The following ASTN2 variants were observed in gnomAD, a reference collection of about 807,000 sequenced individuals.
ASTN2 encodes the protein astrotactin-2.
Under a neutral mutation model 139.8 loss-of-function variants are expected in ASTN2, and 54 were observed. That is an observed-to-expected ratio of 0.39 (90% CI 0.31 to 0.48). ASTN2 has a LOEUF of 0.48. ASTN2 is among the 20% of genes least tolerant of loss of function. The pLI is 0.95. For missense variants in ASTN2, 1,565 were observed against 1,725.1 expected, an observed-to-expected ratio of 0.91 and a Z score of 1.64; for synonymous variants, 756 against 719.5, an observed-to-expected ratio of 1.05 and a Z score of -0.81.
intron 2 of ASTN2, among the ~76,000 whole-genome samples, chr9:117,262,458 T>C (rs1833848268): frequency 6.6e-6 from 1 of 152,026 alleles, no homozygotes; most frequent in Admixed American, 6.6e-5. Flanking sequence ...TCATTTTTAA[T>C]AAAGACCTAG....
intron 12 of ASTN2, among the ~76,000 whole-genome samples, chr9:116,815,797 T>C (rs1831301731): frequency 4.6e-4 from 2 of 4,338 alleles, no homozygotes; most frequent in Non-Finnish European, 4.0e-4. Flanking sequence ...AGAGCGAGAC[T>C]CCGTCTCAAA....
intron 19 of ASTN2, among the ~76,000 whole-genome samples, chr9:116,602,963 G>A (rs1460699964): frequency 6.6e-6 from 1 of 152,150 alleles, no homozygotes; most frequent in Non-Finnish European, 1.5e-5. Flanking sequence ...AAGTTGACAG[G>A]AGAAACCTAG....
intron 19 of ASTN2, among the ~76,000 whole-genome samples, chr9:116,588,055 A>G (rs1368670776): frequency 6.6e-6 from 1 of 152,154 alleles, no homozygotes; most frequent in Non-Finnish European, 1.5e-5. Context: ...TCCTAGGTCT[A>G]CAGTGTTACT....
At chr9:117,226,776 G>A (rs1442579783) in intron 2 of ASTN2, among the ~76,000 whole-genome samples, 2 of 152,184 alleles carry the variant, frequency 1.3e-5, no homozygotes, top group Non-Finnish European at 2.9e-5. Flanking sequence ...TCTGCTGCAT[G>A]CTGCTACAAT....
At chr9:117,304,903 A>G (rs932950905) in intron 1 of ASTN2, among the ~76,000 whole-genome samples, 4 of 151,954 alleles carry the variant, frequency 2.6e-5, no homozygotes, top group African/African-American at 9.7e-5. Flanking sequence ...GGAACTAACG[A>G]CCCTCTTGAT....
intron 19 of ASTN2, among the ~76,000 whole-genome samples, chr9:116,555,161 A>G (rs1016063421): frequency 2.0e-5 from 3 of 152,180 alleles, no homozygotes; most frequent in African/African-American, 7.2e-5. Flanking sequence ...GTCTATAGAG[A>G]CTGAAAAGGC....
At chr9:116,634,649 A>G (rs1856985709) in intron 17 of ASTN2, among the ~76,000 whole-genome samples, 3 of 151,816 alleles carry the variant, frequency 2.0e-5, no homozygotes, top group African/African-American at 4.8e-5. Context: ...GCTGTTAGAC[A>G]TGCTTATTTA....
At chr9:117,195,439 A>G (rs540714967) in intron 3 of ASTN2, among the ~76,000 whole-genome samples, 4 of 152,304 alleles carry the variant, frequency 2.6e-5, no homozygotes, top group South Asian at 4.1e-4. Flanking sequence ...AGTGATCACA[A>G]CAGAGTGGCT....
chr9:116,756,770 A>AACACACAC (rs111716372), intron 13 of ASTN2, among the ~76,000 whole-genome samples: 9,609 of 148,030 alleles, frequency 0.065, 304 homozygotes, highest in Middle Eastern at 0.083. Context: ...CTCCGAATAA[A>AACACACAC]ACACACACAC....
At chr9:117,302,876 C>T (rs997982418) in intron 1 of ASTN2, among the ~76,000 whole-genome samples, 12 of 152,192 alleles carry the variant, frequency 7.9e-5, no homozygotes, top group Non-Finnish European at 1.8e-4. Flanking sequence ...CAGGGTCAGA[C>T]GCTGGCCTAA....
At chr9:116,490,694 G>A (rs894513070) in intron 19 of ASTN2, among the ~76,000 whole-genome samples, 1 of 152,122 alleles carries the variant, frequency 6.6e-6, no homozygotes, top group East Asian at 1.9e-4. Flanking sequence ...GGGGGAAATA[G>A]CCCCTTATAA....
chr9:116,517,681 T>C (rs1029452026), intron 19 of ASTN2, among the ~76,000 whole-genome samples: 1 of 152,162 alleles, frequency 6.6e-6, no homozygotes, highest in African/African-American at 2.4e-5. Flanking sequence ...AGAAAAAGAA[T>C]TCAGAGGGCT....
chr9:116,668,195 CTTTT>C lies in ASTN2; in HGVS notation c.2807-16406_2807-16403del, dbSNP rs35261157. ...ATACAGTATATAGATTTCAGATTGG[CTTTT>C]TTTTTTTTTTTTGAGACAGTCTCAC... On this transcript the variant is annotated intron_variant, in intron 16 of 22. Transcript: ENST00000313400. 5.9e-3 allele frequency among the ~76,000 whole-genome samples: 808 copies of C among 137,488 alleles called. 11 individuals carry two copies. Among genetic ancestry groups the C allele is most frequent in the African/African-American group, 0.02 (769 of 37,688 alleles). 90.2% of individuals were successfully genotyped at this position (137,488 alleles called of 152,430 possible).
intron 20 of ASTN2, among the ~76,000 whole-genome samples, chr9:116,483,347 T>G (rs551739036): frequency 5.4e-4 from 83 of 152,336 alleles, no homozygotes; most frequent in African/African-American, 1.5e-3. Flanking sequence ...AAATCAGCCT[T>G]GACTTTCACT....
At chr9:117,389,996 T>C (rs1226075304) in intron 1 of ASTN2, among the ~76,000 whole-genome samples, 2 of 151,884 alleles carry the variant, frequency 1.3e-5, no homozygotes, top group African/African-American at 2.4e-5. Flanking sequence ...TGAGTGAAGG[T>C]GGAACCAGGC....
rs1211218399 is a variant in ASTN2 at position 117,266,791 on chromosome 9, AC to A, written c.630+24534del. On this transcript the variant is annotated intron_variant, in intron 2 of 22. Transcript: ENST00000313400. ...TGAATAATAAAATTAGTGGGTATAA[AC>A]TTTTTAGAGAAACAAGATATTTGTA... is the stretch of plus-strand genomic sequence containing the variant. Among the ~76,000 whole-genome samples the A allele has an allele frequency of 3.9e-5, 6 of 152,228 alleles. No individual in the cohort carries two copies. The South Asian group carries it at 1.0e-3, about 26-fold the overall frequency.
chr9:117,231,894 C>G (rs527937852), intron 2 of ASTN2, among the ~76,000 whole-genome samples: 1 of 152,280 alleles, frequency 6.6e-6, no homozygotes, highest in East Asian at 1.9e-4. Flanking sequence ...CTGTCCCGAC[C>G]TAGAGGCTGC....
rs199672688 is a variant in ASTN2 at position 117,032,832 on chromosome 9, C to T, written c.1423+6987G>A. ...TGTGGGCATTTATACTTGATGATTTCATGGGCTAAGAAGCCATACTCAGAT... is the reference window on the plus strand; with the variant it reads ...TGTGGGCATTTATACTTGATGATTTTATGGGCTAAGAAGCCATACTCAGAT... On this transcript the variant is annotated intron_variant, in intron 6 of 22. Coordinates refer to ENST00000313400, the MANE Select transcript of ASTN2 (RefSeq NM_001365068.1). Among the ~76,000 whole-genome samples, 5 of 152,234 alleles carry T rather than the reference C, an allele frequency of 3.3e-5. No homozygotes were observed. The East Asian group carries it at 9.7e-4, about 29-fold the overall frequency.
intron 1 of ASTN2, among the ~76,000 whole-genome samples, chr9:117,367,963 T>TACCATA (rs1232017049): frequency 2.0e-5 from 3 of 152,110 alleles, no homozygotes; most frequent in African/African-American, 7.2e-5. Flanking sequence ...GAGTATGTGC[T>TACCATA]CTTTTCACAA....
Sources: allele counts gnomAD v4.1 joint callset (sites outside exome capture counted in the v4.1 genomes callset), GRCh38; gene constraint gnomAD v4.1.1; transcripts MANE v1.5; gene names NCBI Gene and HGNC (gene_info 2026-07-23, HGNC 2026-07-21).